CADM2: variants seen among roughly 807,000 people sequenced by gnomAD.
CADM2 encodes the protein cell adhesion molecule 2, also known as immunoglobulin superfamily member 4D.
In CADM2, 12 loss-of-function variants were observed where a neutral mutation model predicts 49.8. The observed-to-expected ratio is 0.24, with a 90% CI of 0.15 to 0.39. The LOEUF is 0.39. Ranked by LOEUF, CADM2 falls within the 10% of genes least tolerant of loss-of-function variation. The probability of loss-of-function intolerance (pLI) is 1.00; values close to 1 mark genes in which losing one functional copy is unlikely to be tolerated. For missense variants in CADM2, 378 were observed against 492.3 expected (o/e 0.77, Z 2.20); for synonymous variants, 214 against 175.4 (o/e 1.22, Z -1.74).
intron 1 of CADM2, among the ~76,000 whole-genome samples, chr3:85,209,569 C>T (rs1161725151): frequency 6.6e-6 from 1 of 152,008 alleles, no homozygotes; most frequent in Non-Finnish European, 1.5e-5. Flanking sequence ...ATCATTTCCC[C>T]CTCATTTGAC....
At chr3:85,283,735 AT>A (rs1237084788) in intron 1 of CADM2, among the ~76,000 whole-genome samples, 8 of 152,130 alleles carry the variant, frequency 5.3e-5, no homozygotes, top group Non-Finnish European at 1.2e-4. Context: ...TGTTTAGAAA[AT>A]ATCTGCAATG....
At chr3:85,457,499 T>G (rs995375696) in intron 1 of CADM2, among the ~76,000 whole-genome samples, 7 of 152,174 alleles carry the variant, frequency 4.6e-5, no homozygotes, top group Non-Finnish European at 1.0e-4. Context: ...AGTTAAAATG[T>G]TAGTAGTACA....
intron 1 of CADM2, among the ~76,000 whole-genome samples, chr3:85,286,783 A>G (rs13097083): frequency 6.6e-6 from 1 of 152,134 alleles, no homozygotes; most frequent in Non-Finnish European, 1.5e-5. Flanking sequence ...TTTTTTGGGT[A>G]CATATTAAAT....
At chr3:85,925,374 G>A (rs539398236) in intron 6 of CADM2, among the ~76,000 whole-genome samples, 33 of 152,258 alleles carry the variant, frequency 2.2e-4, no homozygotes, top group Admixed American at 1.2e-3. Flanking sequence ...TGCCACAGAA[G>A]CATTCACTAA....
chr3:85,127,739 TA>T (rs1313908489), intron 1 of CADM2, among the ~76,000 whole-genome samples: 1 of 152,176 alleles, frequency 6.6e-6, no homozygotes, highest in Admixed American at 6.5e-5. Context: ...TGTATACCTT[TA>T]AGGATTGATT....
chr3:85,064,758 A>G (rs2036463373), intron 1 of CADM2, among the ~76,000 whole-genome samples: 1 of 152,044 alleles, frequency 6.6e-6, no homozygotes, highest in South Asian at 2.1e-4. Flanking sequence ...GTAGTTTTAT[A>G]TTTCTCTCTT....
At chr3:85,201,046 A>G (rs1302385538) in intron 1 of CADM2, among the ~76,000 whole-genome samples, 3 of 152,180 alleles carry the variant, frequency 2.0e-5, no homozygotes, top group African/African-American at 7.2e-5. Flanking sequence ...TTCATATTAA[A>G]TATTGTAAGC....
At chr3:85,820,175 A>G (rs187554081) in intron 3 of CADM2, among the ~76,000 whole-genome samples, 168 of 152,176 alleles carry the variant, frequency 1.1e-3, no homozygotes, top group African/African-American at 3.9e-3. Context: ...GAGGAGAGGA[A>G]GGCAGAGGTA....
intron 2 of CADM2, among the ~76,000 whole-genome samples, chr3:85,783,978 C>A (rs1448747462): frequency 6.6e-6 from 1 of 152,170 alleles, no homozygotes; most frequent in African/African-American, 2.4e-5. Flanking sequence ...CTTGAAATTA[C>A]AGCCTCAAAT....
intron 7 of CADM2, among the ~76,000 whole-genome samples, chr3:85,944,698 G>A (rs1413859641): frequency 2.0e-5 from 3 of 151,958 alleles, no homozygotes; most frequent in Admixed American, 2.0e-4. Flanking sequence ...ATGAAATGAA[G>A]GCAGAAATAA....
chr3:85,461,988 C>T (rs1166443172), intron 1 of CADM2, among the ~76,000 whole-genome samples: 4 of 152,114 alleles, frequency 2.6e-5, no homozygotes, highest in African/African-American at 4.8e-5. Context: ...TCTGATTCCA[C>T]AGTACTTTGG....
rs113212486 is a variant in CADM2, at chr3:85,219,965, C to T, written c.61+260297C>T. On this transcript the variant is annotated intron_variant, in intron 1 of 9. Transcript: ENST00000383699. ...AATAAGTAAGTATGCATATGAAATC[C>T]TATTTTCAACTTAGAATATTAGGAG... 6.9e-3 allele frequency among the ~76,000 whole-genome samples: 1,051 copies of T among 152,106 alleles called. 10 individuals are homozygous for T. Among genetic ancestry groups the T allele is most frequent in the African/African-American group, 0.023 (961 of 41,512 alleles).
chr3:85,999,155 T>C (rs1022718438), intron 8 of CADM2, among the ~76,000 whole-genome samples: 1 of 151,810 alleles, frequency 6.6e-6, no homozygotes, highest in Non-Finnish European at 1.5e-5. Flanking sequence ...ACAGCAAGAC[T>C]CATAGCACCA....
intron 3 of CADM2, among the ~76,000 whole-genome samples, chr3:85,869,680 ATGGAG>A (rs2075846802): frequency 6.6e-6 from 1 of 151,774 alleles, no homozygotes; most frequent in African/African-American, 2.4e-5. Flanking sequence ...TTATTTTGAG[ATGGAG>A]TCTCACTCTG....
At chr3:85,006,772 G>A (rs969033058) in intron 1 of CADM2, among the ~76,000 whole-genome samples, 13 of 151,954 alleles carry the variant, frequency 8.6e-5, no homozygotes, top group South Asian at 8.3e-4. Flanking sequence ...TTAAGAGCCC[G>A]TTGTAATAAT....
chr3:85,294,846 T>A (rs1312770196), intron 1 of CADM2, among the ~76,000 whole-genome samples: 33 of 152,014 alleles, frequency 2.2e-4, no homozygotes, highest in East Asian at 1.2e-3. Context: ...CCTAGAAGAA[T>A]ACCTAGGCAT....
At chr3:85,828,284 G>A (rs559191328) in intron 3 of CADM2, among the ~76,000 whole-genome samples, 7 of 151,772 alleles carry the variant, frequency 4.6e-5, no homozygotes, top group Admixed American at 1.3e-4. Context: ...AATATCAGTC[G>A]CTTCTTTGTA....
At chr3:85,614,334 G>T (rs991616561) in intron 1 of CADM2, among the ~76,000 whole-genome samples, 1 of 151,300 alleles carries the variant, frequency 6.6e-6, no homozygotes, top group East Asian at 1.9e-4. Flanking sequence ...TCCTTATTCT[G>T]ATTTTTTATA....
At chr3:85,016,131 G>A (rs2034238243) in intron 1 of CADM2, among the ~76,000 whole-genome samples, 2 of 152,140 alleles carry the variant, frequency 1.3e-5, no homozygotes, top group Admixed American at 1.3e-4. Context: ...TTCATTAGGT[G>A]AAAAGAGCAG....
Sources: gnomAD v4.1 joint callset for allele counts (sites outside exome capture counted in the v4.1 genomes callset) on GRCh38, gnomAD v4.1.1 for gene constraint, MANE v1.5 for transcripts, NCBI Gene and HGNC (gene_info 2026-07-23, HGNC 2026-07-21) for gene names.